The following CDK17 variants were observed in gnomAD, a reference collection of about 807,000 sequenced individuals.
CDK17 encodes cyclin dependent kinase 17.
CDK17 carries 24 observed loss-of-function variants against 77.6 expected under a neutral mutation model. The observed-to-expected ratio is 0.31, with a 90% CI of 0.22 to 0.44. The LOEUF is 0.44. CDK17 is among the 20% of genes least tolerant of loss of function. The pLI, the probability that CDK17 is intolerant of heterozygous loss-of-function variation, is 1.00. For missense variants in CDK17, 429 were observed against 622.5 expected (o/e 0.69, Z 3.31); for synonymous variants, 203 against 210.4 (o/e 0.96, Z 0.30).
intron 10 of CDK17, among the ~76,000 whole-genome samples, chr12:96,294,263 GAC>G (rs1215345418): frequency 9.9e-5 from 15 of 152,118 alleles, no homozygotes; most frequent in African/African-American, 3.6e-4. Context: ...AAGTGTAACT[GAC>G]AGTTTTCCCT....
chr12:96,355,137 A>C (rs1048800313), intron 1 of CDK17, among the ~76,000 whole-genome samples: 5 of 151,880 alleles, frequency 3.3e-5, no homozygotes, highest in African/African-American at 1.2e-4. Flanking sequence ...CTCCTTTTTA[A>C]CCTCGTTTTC....
chr12:96,394,837 A>G (rs1321426140), intron 1 of CDK17, among the ~76,000 whole-genome samples: 1 of 149,482 alleles, frequency 6.7e-6, no homozygotes, highest in Non-Finnish European at 1.5e-5. Flanking sequence ...GACAAAAAAT[A>G]TTTATTATTT....
intron 1 of CDK17, among the ~76,000 whole-genome samples, chr12:96,399,691 G>A (rs1235988291): frequency 6.6e-6 from 1 of 152,136 alleles, no homozygotes; most frequent in Admixed American, 6.5e-5. Context: ...AGCGAGCACC[G>A]GAGGCGGCGG....
At position 96,279,894 on chromosome 12, in the gene CDK17, T is replaced by G. The variant is rs897639068; in HGVS notation, c.*348A>C. On this transcript the variant is annotated 3_prime_UTR_variant, in exon 17 of 17. Coordinates refer to ENST00000261211, the MANE Select transcript of CDK17 (RefSeq NM_002595.5). ...AACTTCTTCAGGCATTCAATTGTTG[T>G]GTTAAATAAACAGACAGTAGTTATT... 6.6e-5 allele frequency: 13 copies of G among 196,004 alleles called. No individual in the cohort carries two copies. The highest frequency in any genetic ancestry group is 1.0e-5 in the Non-Finnish European group (1 of 97,282). The allele number at this position is 196,004 out of a possible 1,614,324, so 12.1% of individuals were successfully genotyped here. A position where few individuals can be genotyped will look rare whatever the true frequency, so the allele number is the denominator to read the frequency against.
chr12:96,327,002 G>A (rs1952899717), intron 2 of CDK17, among the ~76,000 whole-genome samples: 1 of 152,198 alleles, frequency 6.6e-6, no homozygotes, highest in Admixed American at 6.5e-5. Context: ...ATAGTAGGAG[G>A]TAAGGGGGTA....
intron 7 of CDK17, among the ~76,000 whole-genome samples, chr12:96,298,315 A>AT (rs1952442011): frequency 6.6e-6 from 1 of 151,942 alleles, no homozygotes; most frequent in Non-Finnish European, 1.5e-5. Flanking sequence ...ATGGAAATCA[A>AT]TTTTTTCTTT....
At chr12:96,395,302 G>A (rs564909408) in intron 1 of CDK17, among the ~76,000 whole-genome samples, 6 of 152,116 alleles carry the variant, frequency 3.9e-5, no homozygotes, top group African/African-American at 1.2e-4. Context: ...ACTTTAAATC[G>A]CATTTTGATG....
intron 1 of CDK17, among the ~76,000 whole-genome samples, chr12:96,392,401 T>C (rs997297345): frequency 2.0e-5 from 3 of 152,066 alleles, no homozygotes; most frequent in Non-Finnish European, 4.4e-5. Flanking sequence ...AAGATACATA[T>C]ATAAACATAA....
Position 96,359,643 on chromosome 12 carries a change from C to T in CDK17, c.-29-24778G>A, listed in dbSNP as rs76656211. 2.1e-3 allele frequency among the ~76,000 whole-genome samples: 326 copies of T among 152,272 alleles called. 8 individuals are homozygous for T. The East Asian group carries it at 0.049, about 23-fold the overall frequency. ...AAAAAGAATATAGCTAAACAATTTT[C>T]ACAATTTCATAACATTTTGGCATTT... On this transcript the variant is annotated intron_variant, in intron 1 of 16. Transcript: ENST00000261211.
intron 1 of CDK17, among the ~76,000 whole-genome samples, chr12:96,360,268 G>A (rs1309656715): frequency 1.3e-5 from 2 of 152,226 alleles, no homozygotes; most frequent in African/African-American, 4.8e-5. Flanking sequence ...CAAGCGTAAT[G>A]GAGGTGGAAG....
chr12:96,321,865 C>T (rs1380783350), intron 3 of CDK17, among the ~76,000 whole-genome samples: 2 of 136,392 alleles, frequency 1.5e-5, no homozygotes, highest in Non-Finnish European at 3.1e-5. Context: ...GGCTAGATGA[C>T]GAGTTAGTGG....
chr12:96,366,669 C>T (rs1953588276), intron 1 of CDK17, among the ~76,000 whole-genome samples: 1 of 152,168 alleles, frequency 6.6e-6, no homozygotes, highest in Non-Finnish European at 1.5e-5. Context: ...CAACCAGTGA[C>T]ATAATATACC....
At chr12:96,369,516 G>A (rs1018285615) in intron 1 of CDK17, among the ~76,000 whole-genome samples, 1 of 152,208 alleles carries the variant, frequency 6.6e-6, no homozygotes, top group Non-Finnish European at 1.5e-5. Flanking sequence ...AGTGGCTCAT[G>A]CCTATAATCC....
intron 5 of CDK17, among the ~76,000 whole-genome samples, chr12:96,308,227 T>G (rs1042172754): frequency 1.8e-5 from 2 of 109,354 alleles, no homozygotes; most frequent in African/African-American, 6.7e-5. Context: ...AGATGCCATC[T>G]CTAAAAAAAA....
chr12:96,296,499 G>A (rs1057281389), intron 9 of CDK17, among the ~76,000 whole-genome samples: 11 of 152,146 alleles, frequency 7.2e-5, no homozygotes, highest in Non-Finnish European at 1.0e-4. Context: ...TTTTTAAAAT[G>A]TAAGTTTAAA....
chr12:96,295,747 T>C (rs1404645982), intron 9 of CDK17, among the ~76,000 whole-genome samples: 2 of 152,224 alleles, frequency 1.3e-5, no homozygotes, highest in Non-Finnish European at 2.9e-5. Flanking sequence ...CTTCAAAATC[T>C]ACTGTGATTC....
At chr12:96,339,934 CAATAAAATAA>C (rs919960890) in intron 1 of CDK17, among the ~76,000 whole-genome samples, 1 of 151,610 alleles carries the variant, frequency 6.6e-6, no homozygotes, top group African/African-American at 2.4e-5. Flanking sequence ...ATCAATCAAT[CAATAAAATAA>C]AATAAAATAA....
At chr12:96,320,686 T>G (rs1351626001) in intron 3 of CDK17, among the ~76,000 whole-genome samples, 1 of 150,140 alleles carries the variant, frequency 6.7e-6, no homozygotes, top group Non-Finnish European at 1.5e-5. Flanking sequence ...TTGACAAACC[T>G]GAGAAAAACA....
intron 11 of CDK17, among the ~76,000 whole-genome samples, chr12:96,288,673 T>C (rs995987716): frequency 3.9e-5 from 6 of 152,214 alleles, no homozygotes; most frequent in Non-Finnish European, 8.8e-5. Flanking sequence ...TAACGGTGTC[T>C]GAGTAGAAGA....
Sources: gnomAD v4.1 joint callset for allele counts (sites outside exome capture counted in the v4.1 genomes callset) on GRCh38, gnomAD v4.1.1 for gene constraint, MANE v1.5 for transcripts, NCBI Gene and HGNC (gene_info 2026-07-23, HGNC 2026-07-21) for gene names.